MUC7: variants seen among roughly 807,000 people sequenced by gnomAD.
MUC7 encodes the protein mucin 7, secreted.
A neutral mutation model predicts 2.5 loss-of-function variants in MUC7; 2 were observed. That is an observed-to-expected ratio of 0.81 (90% CI 0.33 to 2.55). The LOEUF (loss-of-function observed/expected upper bound fraction) is 2.55, where lower values mean the gene tolerates loss of function less well. MUC7 is among the 30% of genes most tolerant of loss of function. The probability of loss-of-function intolerance (pLI) is 0.11; values close to 1 mark genes in which losing one functional copy is unlikely to be tolerated. For synonymous variants in MUC7, 133 were observed against 173.4 expected (o/e 0.77, Z 1.83); for missense variants, 408 against 455.6 (o/e 0.90, Z 0.95).
chr4:70,446,697 A>G (rs1164062959), intron 1 of MUC7, among the ~76,000 whole-genome samples: 4 of 152,180 alleles, frequency 2.6e-5, no homozygotes, highest in Non-Finnish European at 2.9e-5. Flanking sequence ...ACACAATTCA[A>G]TCTATAACAC....
chr4:70,457,273 A>G (rs1465773211), intron 1 of MUC7, among the ~76,000 whole-genome samples: 1 of 152,106 alleles, frequency 6.6e-6, no homozygotes, highest in Non-Finnish European at 1.5e-5. Context: ...TGAGACACCC[A>G]TCGCTACATA....
At position 70,444,308 on chromosome 4, in the gene MUC7, C is replaced by A. The variant is rs115489621; in HGVS notation, c.-93+13621C>A. Among the ~76,000 whole-genome samples the A allele has an allele frequency of 5.4e-3, 829 of 152,286 alleles. 5 individuals are homozygous for A. Among genetic ancestry groups the A allele is most frequent in the African/African-American group, 0.018 (763 of 41,548 alleles). On this transcript the variant is annotated intron_variant, in intron 1 of 3. Coordinates refer to the MUC7 transcript ENST00000413702. ...TGGGTATTTTGCTTCTATATCCATCCCCATCCCCTCTTCCTTAGGAACCAA... is the reference window on the plus strand; with the variant it reads ...TGGGTATTTTGCTTCTATATCCATCACCATCCCCTCTTCCTTAGGAACCAA...
At chr4:70,440,611 A>G (rs915511684) in intron 1 of MUC7, among the ~76,000 whole-genome samples, 1 of 152,252 alleles carries the variant, frequency 6.6e-6, no homozygotes. Context: ...TGTTTCTAGC[A>G]TAAAGAAAAG....
At chr4:70,431,993 C>T (rs1487848298) in intron 1 of MUC7, among the ~76,000 whole-genome samples, 1 of 152,038 alleles carries the variant, frequency 6.6e-6, no homozygotes, top group East Asian at 1.9e-4. Flanking sequence ...TAAGAACATG[C>T]AGTGTTTGGT....
chr4:70,478,484 T>A (rs1735071709), intron 2 of MUC7, among the ~76,000 whole-genome samples: 1 of 152,200 alleles, frequency 6.6e-6, no homozygotes, highest in Non-Finnish European at 1.5e-5. Flanking sequence ...TTAATCCAAA[T>A]CATTTTATAA....
chr4:70,460,190 A>G (rs974574040), intron 1 of MUC7, among the ~76,000 whole-genome samples: 6 of 152,084 alleles, frequency 3.9e-5, no homozygotes, highest in South Asian at 2.1e-4. Flanking sequence ...GATGTAAGGG[A>G]AAAAAAAGGA....
At position 70,481,934 on chromosome 4, in the gene MUC7, G is replaced by A. The variant is rs1735210732; in HGVS notation, c.*56G>A. Reference sequence around the variant, plus strand: ...TTACAAGATGTGATTCATGAGTGCAGAACTACCACCTTTCTTTTAGCACCA... The same window carrying A: ...TTACAAGATGTGATTCATGAGTGCAAAACTACCACCTTTCTTTTAGCACCA... On this transcript the variant is annotated 3_prime_UTR_variant, in exon 3 of 3. Coordinates refer to ENST00000304887, the MANE Select transcript of MUC7 (RefSeq NM_152291.3). 2 of 1,553,174 alleles carry A rather than the reference G, an allele frequency of 1.3e-6. No homozygotes were observed. Among genetic ancestry groups the A allele is most frequent in the Non-Finnish European group, 1.7e-6 (2 of 1,149,706 alleles).
chr4:70,433,002 C>T (rs2109784513), intron 1 of MUC7, among the ~76,000 whole-genome samples: 1 of 152,294 alleles, frequency 6.6e-6, no homozygotes, highest in Non-Finnish European at 1.5e-5. Flanking sequence ...TTCCCCATTG[C>T]TTGCTTTTGT....
chr4:70,469,881 C>T (rs890824568), upstream of MUC7, among the ~76,000 whole-genome samples: 10 of 152,126 alleles, frequency 6.6e-5, no homozygotes, highest in Non-Finnish European at 1.0e-4. Flanking sequence ...CCAGAAATAT[C>T]GTTTGACCCA....
At position 70,481,977 on chromosome 4, in the gene MUC7, T is replaced by C. The variant is rs3733492; in HGVS notation, c.*99T>C. 221,297 of 1,345,666 alleles carry C rather than the reference T, an allele frequency of 0.16. 19,328 individuals are homozygous for C. Among genetic ancestry groups the C allele is most frequent in the Middle Eastern group, 0.24 (1,024 of 4,198 alleles). The allele number at this position is 1,345,666 out of a possible 1,614,324, so 83.4% of individuals were successfully genotyped here. On this transcript the variant is annotated 3_prime_UTR_variant, in exon 3 of 3. Coordinates refer to ENST00000304887, the MANE Select transcript of MUC7 (RefSeq NM_152291.3). ...TAGCACCAATCCCAACATGAAATTA[T>C]ATTACTCAGATTTAAAGCACTATCA...
At chr4:70,431,409 G>T (rs922733072) in intron 1 of MUC7, among the ~76,000 whole-genome samples, 7 of 151,938 alleles carry the variant, frequency 4.6e-5, no homozygotes, top group African/African-American at 1.7e-4. Context: ...AACACAAAGA[G>T]TTCATGGTAG....
intron 2 of MUC7, among the ~76,000 whole-genome samples, chr4:70,478,885 C>G (rs1397706193): frequency 1.3e-5 from 2 of 152,280 alleles, no homozygotes; most frequent in Admixed American, 1.3e-4. Context: ...AACCTATGCC[C>G]TTTTAAGAGA....
chr4:70,439,484 C>T (rs768784115), intron 1 of MUC7, among the ~76,000 whole-genome samples: 25 of 152,062 alleles, frequency 1.6e-4, no homozygotes, highest in East Asian at 3.8e-4. Context: ...AAATGAAAGT[C>T]GAGAGGTTAG....
intron 2 of MUC7, among the ~76,000 whole-genome samples, chr4:70,478,629 C>G (rs1040198342): frequency 6.6e-6 from 1 of 152,200 alleles, no homozygotes; most frequent in Non-Finnish European, 1.5e-5. Context: ...CCTATAAGAT[C>G]TGGACATTCT....
intron 1 of MUC7, among the ~76,000 whole-genome samples, chr4:70,447,526 C>T (rs906605441): frequency 6.6e-6 from 1 of 152,150 alleles, no homozygotes; most frequent in Non-Finnish European, 1.5e-5. Flanking sequence ...CTTTTAATTA[C>T]ACTATCTCTT....
intron 2 of MUC7, 68 bp downstream of exon 2, chr4:70,474,143 G>T: frequency 1.5e-6 from 2 of 1,327,466 alleles, no homozygotes; most frequent in South Asian, 2.4e-5. Flanking sequence ...ACCTACCTGA[G>T]ACTTTTAAAG....
rs1234046475 is a variant in MUC7, at chr4:70,481,235, A to C, written c.491A>C (p.Asp164Ala). Reference protein sequence around the residue: ...LAPVNSPAPQDTTAAPPTPSA... With the variant: ...LAPVNSPAPQATTAAPPTPSA... Reference sequence around the variant, plus strand: ...CCAGTGAATTCCCCAGCTCCACAAGACACCACAGCTGCCCCACCCACACCT... The same window carrying C: ...CCAGTGAATTCCCCAGCTCCACAAGCCACCACAGCTGCCCCACCCACACCT... The change falls in exon 3 of 3, where the codon GAC (aspartate) becomes GCC (alanine). Residue 164 changes from aspartate to alanine, a missense_variant. Around this residue, in one of 3 missense-constraint regions of MUC7, gnomAD observed 225 missense variants for 240.5 expected, o/e 0.94. Coordinates refer to ENST00000304887, the MANE Select transcript of MUC7 (RefSeq NM_152291.3). 1 of 1,614,074 alleles carries C rather than the reference A, an allele frequency of 6.2e-7. No individual in the cohort carries two copies. Among genetic ancestry groups the C allele is most frequent in the East Asian group, 2.2e-5 (1 of 44,868 alleles).
intron 1 of MUC7, among the ~76,000 whole-genome samples, chr4:70,462,642 A>G (rs559000072): frequency 1.3e-5 from 2 of 152,340 alleles, no homozygotes; most frequent in East Asian, 1.9e-4. Context: ...ATATAGACAT[A>G]AATTAGATTA....
intron 2 of MUC7, among the ~76,000 whole-genome samples, chr4:70,474,551 T>C (rs1734939077): frequency 6.9e-6 from 1 of 144,278 alleles, no homozygotes; most frequent in Non-Finnish European, 1.6e-5. Context: ...ACTAGATAGA[T>C]AGGTAGATAG....
Sources: gnomAD v4.1 joint callset for allele counts (sites outside exome capture counted in the v4.1 genomes callset) on GRCh38, gnomAD v4.1.1 for gene constraint, gnomAD v4.1.1 regional missense constraint, MANE v1.5 for transcripts, NCBI Gene and HGNC (gene_info 2026-07-23, HGNC 2026-07-21) for gene names.